ANTXR1: variants seen among roughly 807,000 people sequenced by gnomAD.
ANTXR1 encodes the protein anthrax toxin receptor 1.
In ANTXR1, 19 loss-of-function variants were observed where a neutral mutation model predicts 78.1. The observed-to-expected ratio is 0.24, with a 90% confidence interval of 0.17 to 0.36. ANTXR1 has a LOEUF of 0.36. Ranked by LOEUF, ANTXR1 falls within the 10% of genes least tolerant of loss-of-function variation. ANTXR1 has a pLI of 1.00. For missense variants in ANTXR1, 518 were observed against 718.6 expected (o/e 0.72, Z 3.19); for synonymous variants, 273 against 260.5 (o/e 1.05, Z -0.46).
chr2:69,109,530 C>G (rs1183057556), intron 10 of ANTXR1, among the ~76,000 whole-genome samples: 1 of 152,076 alleles, frequency 6.6e-6, no homozygotes, highest in African/African-American at 2.4e-5. Context: ...GGAACAAAGC[C>G]CATAAACAGA....
intron 17 of ANTXR1, among the ~76,000 whole-genome samples, chr2:69,200,289 A>G (rs926620681): frequency 6.6e-6 from 1 of 152,196 alleles, no homozygotes; most frequent in Non-Finnish European, 1.5e-5. Flanking sequence ...ACACACGTAA[A>G]TGTACATAAA....
intron 1 of ANTXR1, among the ~76,000 whole-genome samples, chr2:69,024,299 A>G (rs1288813888): frequency 6.6e-6 from 1 of 152,222 alleles, no homozygotes; most frequent in African/African-American, 2.4e-5. Context: ...GGAGCTGAAA[A>G]TAAAAACTTG....
intron 8 of ANTXR1, among the ~76,000 whole-genome samples, chr2:69,078,289 A>G (rs1670799353): frequency 6.6e-6 from 1 of 152,230 alleles, no homozygotes; most frequent in African/African-American, 2.4e-5. Context: ...GATGCTCTGC[A>G]GCCTCCACCA....
At chr2:69,058,544 A>G (rs370336666) in intron 3 of ANTXR1, among the ~76,000 whole-genome samples, 1 of 148,670 alleles carries the variant, frequency 6.7e-6, no homozygotes, top group Non-Finnish European at 1.5e-5. Context: ...AAAAAAAAAA[A>G]TCATTCTTTT....
chr2:69,040,806 T>C (rs972526901), intron 2 of ANTXR1, among the ~76,000 whole-genome samples: 8 of 152,180 alleles, frequency 5.3e-5, no homozygotes, highest in Non-Finnish European at 1.0e-4. Flanking sequence ...AAGCAAGTTG[T>C]CAAAGTCTTT....
At chr2:69,068,151 CAGTA>C in intron 3 of ANTXR1, among the ~76,000 whole-genome samples, 1 of 152,248 alleles carries the variant, frequency 6.6e-6, no homozygotes, top group African/African-American at 2.4e-5. Flanking sequence ...CTCACCCCTT[CAGTA>C]AGTATTTGTT....
chr2:69,209,048 G>A (rs902165189), intron 17 of ANTXR1, among the ~76,000 whole-genome samples: 1 of 141,178 alleles, frequency 7.1e-6, no homozygotes, highest in Non-Finnish European at 1.6e-5. Context: ...GATTACAGGT[G>A]CCTGCTACCA....
At chr2:69,051,690 ATT>A (rs1558743428) in intron 3 of ANTXR1, among the ~76,000 whole-genome samples, 1 of 151,970 alleles carries the variant, frequency 6.6e-6, no homozygotes, top group African/African-American at 2.4e-5. Flanking sequence ...AATATTTTAT[ATT>A]TTTGTTTACT....
chr2:69,073,726 A>G (rs2104219078), intron 6 of ANTXR1, among the ~76,000 whole-genome samples: 1 of 152,358 alleles, frequency 6.6e-6, no homozygotes, highest in Non-Finnish European at 1.5e-5. Context: ...TGATGAATTG[A>G]AAACTAATGT....
At chr2:69,240,183 A>AC (rs1304826215) in intron 17 of ANTXR1, among the ~76,000 whole-genome samples, 1 of 152,216 alleles carries the variant, frequency 6.6e-6, no homozygotes, top group Non-Finnish European at 1.5e-5. Context: ...ATCTTGCTGC[A>AC]CCTCGGAGCT....
chr2:69,066,123 G>C (rs958656737), intron 3 of ANTXR1, among the ~76,000 whole-genome samples: 4 of 152,134 alleles, frequency 2.6e-5, no homozygotes, highest in African/African-American at 9.7e-5. Context: ...GCTGATATTG[G>C]GTTATTTTTG....
intron 3 of ANTXR1, among the ~76,000 whole-genome samples, chr2:69,063,877 G>C (rs73934662): frequency 6.6e-6 from 1 of 151,622 alleles, no homozygotes; most frequent in East Asian, 1.9e-4. Flanking sequence ...ATTATAATTC[G>C]CAGAGCAACT....
chr2:69,154,074 T>C (rs1673466406), intron 13 of ANTXR1, among the ~76,000 whole-genome samples: 1 of 152,260 alleles, frequency 6.6e-6, no homozygotes, highest in African/African-American at 2.4e-5. Flanking sequence ...ATTATGATAC[T>C]GGATGGCATT....
chr2:69,174,282 G>A (rs1257365317), intron 14 of ANTXR1, among the ~76,000 whole-genome samples: 1 of 152,204 alleles, frequency 6.6e-6, no homozygotes, highest in African/African-American at 2.4e-5. Flanking sequence ...AACAACTCTA[G>A]AATGAGTGCT....
At chr2:69,172,674 G>C (rs1416931726) in intron 14 of ANTXR1, 1 of 529,336 alleles carries the variant, frequency 1.9e-6, no homozygotes, top group East Asian at 6.4e-5. Flanking sequence ...TAAACTTAGA[G>C]AATGAAGATA....
chr2:69,199,218 G>A (rs981321634), intron 17 of ANTXR1, among the ~76,000 whole-genome samples: 1 of 152,230 alleles, frequency 6.6e-6, no homozygotes, highest in African/African-American at 2.4e-5. Flanking sequence ...CATGCTCGGA[G>A]TTTCTGATTC....
At chr2:69,122,859 C>T (rs537421135) in intron 10 of ANTXR1, among the ~76,000 whole-genome samples, 158 bp from the exon 11 acceptor site, 61 of 152,024 alleles carry the variant, frequency 4.0e-4, no homozygotes, top group Non-Finnish European at 6.8e-4. Flanking sequence ...GTTTTCTGTC[C>T]TTGCGATAGT....
intron 8 of ANTXR1, among the ~76,000 whole-genome samples, chr2:69,081,098 C>T (rs1271914585): frequency 6.6e-6 from 1 of 152,176 alleles, no homozygotes; most frequent in Non-Finnish European, 1.5e-5. Context: ...TCTATTAGCG[C>T]CTCTGCCAGG....
chr2:69,223,058 G>T (rs1471748475), intron 17 of ANTXR1, among the ~76,000 whole-genome samples: 3 of 152,202 alleles, frequency 2.0e-5, no homozygotes, highest in Non-Finnish European at 4.4e-5. Context: ...CTGAGGTCCA[G>T]TGTGGAGAAG....
Sources: gnomAD v4.1 joint callset for allele counts (sites outside exome capture counted in the v4.1 genomes callset) on GRCh38, gnomAD v4.1.1 for gene constraint, MANE v1.5 for transcripts, NCBI Gene and HGNC (gene_info 2026-07-23, HGNC 2026-07-21) for gene names.